Variants in NDOR1 observed in about 807,000 individuals in gnomAD.
NDOR1 encodes NADPH dependent diflavin oxidoreductase 1.
NDOR1 carries 61 observed loss-of-function variants against 67.2 expected under a neutral mutation model. That is an observed-to-expected ratio of 0.91 (90% confidence interval 0.74 to 1.12). The LOEUF (loss-of-function observed/expected upper bound fraction) is 1.12. Ranked by LOEUF, NDOR1 falls within the 50% of genes most tolerant of loss-of-function variation. The probability of loss-of-function intolerance (pLI) is 0.00; values close to 1 mark genes in which losing one functional copy is unlikely to be tolerated. For missense variants in NDOR1, 878 were observed against 802.8 expected (o/e 1.09, Z -1.13); for synonymous variants, 378 against 343.7 (o/e 1.10, Z -1.10).
At chr9:137,214,486 C>T (rs1835431429) in intron 6 of NDOR1, 73 bp downstream of exon 6, 11 of 1,609,846 alleles carry the variant, frequency 6.8e-6, no homozygotes, top group South Asian at 4.4e-5. Context: ...GAGGCTGGGC[C>T]GGGCTGCAGG....
At chr9:137,206,043 G>T in intron 1 of NDOR1, 131 bp downstream of exon 1, 1 of 1,480,940 alleles carries the variant, frequency 6.8e-7, no homozygotes. Context: ...ATTTAGGGAA[G>T]GAGGTTTGGG....
intron 2 of NDOR1, among the ~76,000 whole-genome samples, chr9:137,208,669 T>C (rs1287183008): frequency 6.6e-6 from 1 of 151,518 alleles, no homozygotes; most frequent in Non-Finnish European, 1.5e-5. Flanking sequence ...AGACAGAAAA[T>C]TCAAAGTGAA....
chr9:137,218,097 A>G lies in NDOR1; in HGVS notation c.*1681A>G, dbSNP rs1486628698. On this transcript the variant is annotated 3_prime_UTR_variant, in exon 14 of 14. Transcript: ENST00000684003. ...GAGTGCCCGATCTGCACAGAGCCCT[A>G]CGGGCCCAGAGAGCGCCGCCTGGCC... is the stretch of plus-strand genomic sequence containing the variant. 3.5e-5 allele frequency: 14 copies of G among 398,734 alleles called. No homozygotes were observed. The highest frequency in any genetic ancestry group is 1.3e-4 in the South Asian group (1 of 7,874). 24.7% of individuals were successfully genotyped at this position (398,734 alleles called of 1,614,324 possible).
rs745671772 is a variant in NDOR1, at chr9:137,215,222, G to A, written c.1173+20G>A. The A allele has an allele frequency of 6.2e-7, 1 of 1,604,872 alleles. No homozygotes were observed. The highest frequency in any genetic ancestry group is 1.3e-5 in the African/African-American group (1 of 74,766). On this transcript the variant is annotated intron_variant, in intron 9 of 13. Transcript: ENST00000684003. ...CTGCTGGTGAGGGGCCTGGTGGTTG[G>A]AGCCCAGGACCGGCCCTGGGAAAGC...
At position 137,214,612 on chromosome 9, in the gene NDOR1, G is replaced by A. The variant is rs777125123; in HGVS notation, c.765G>A (p.Ser255=). Residue 255 remains serine, a synonymous_variant, in exon 7 of 14, where the codon TCG becomes TCA. Coordinates refer to ENST00000684003, the MANE Select transcript of NDOR1 (RefSeq NM_014434.4). ...TGGTGCTGATTCAGCCCTCCAACTC[G>A]GCTGCCCATGTCCAGCGGTTCTGCC... is the stretch of plus-strand genomic sequence containing the variant. The part of the protein sequence containing the change: ...GDVVLIQPSN[S]AAHVQRFCQV... 9.3e-6 allele frequency: 15 copies of A among 1,610,544 alleles called. No individual in the cohort carries two copies. The Admixed American group carries it at 1.7e-4, about 18-fold the overall frequency.
At position 137,212,579 on chromosome 9, in the gene NDOR1, C is replaced by G. The variant is rs750433403; in HGVS notation, c.291C>G (p.Leu97=). Residue 97 remains leucine (L), a synonymous_variant, in exon 3 of 14, where the codon CTC becomes CTG. Coordinates refer to ENST00000684003, the MANE Select transcript of NDOR1 (RefSeq NM_014434.4). The surrounding 1 kb of genome is among the most constrained non-coding windows in gnomAD (Gnocchi z 4.3). ...AGATGGACTTTGCCGTCCTGGGCCT[C>G]GGGGACTCCTCATACGCCAAGTGAG... ...LCQMDFAVLG[L]GDSSYAKFNF... 1 of 1,613,860 alleles carries G rather than the reference C, an allele frequency of 6.2e-7. No individual in the cohort carries two copies. The highest frequency in any genetic ancestry group is 8.5e-7 in the Non-Finnish European group (1 of 1,179,912).
rs777489459 is a variant in NDOR1 at position 137,215,741 on chromosome 9, G to A, written c.1371G>A (p.Gly457=). The part of the protein sequence containing the change: ...ETPDTPVIMV[G]PGTGVAPFRA... The stretch of plus-strand genomic sequence containing the variant: ...CAGACACACCTGTGATCATGGTGGG[G>A]CCTGGCACTGGGGTAGCCCCCTTCC... Residue 457 remains glycine, a synonymous_variant, in exon 11 of 14, where the codon GGG becomes GGA. Coordinates refer to ENST00000684003, the MANE Select transcript of NDOR1 (RefSeq NM_014434.4). 1 of 1,603,330 alleles carries A rather than the reference G, an allele frequency of 6.2e-7. No individual in the cohort carries two copies. Among genetic ancestry groups the A allele is most frequent in the Non-Finnish European group, 8.5e-7 (1 of 1,174,030 alleles).
Position 137,216,677 on chromosome 9 carries a change from C to T in NDOR1, c.*261C>T, listed in dbSNP as rs1367287692. 1.9e-6 allele frequency: 1 copy of T among 536,826 alleles called. No individual in the cohort carries two copies. The highest frequency in any genetic ancestry group is 3.3e-6 in the Non-Finnish European group (1 of 298,840). 33.3% of individuals were successfully genotyped at this position (536,826 alleles called of 1,614,324 possible). On this transcript the variant is annotated 3_prime_UTR_variant, in exon 14 of 14. Coordinates refer to ENST00000684003, the MANE Select transcript of NDOR1 (RefSeq NM_014434.4). Reference sequence around the variant, plus strand: ...GAGCTGTGTCCTCGTCCCCCCACCCCCTTCCCAGTCAAGGTGGTGGCCTGG... The same window carrying T: ...GAGCTGTGTCCTCGTCCCCCCACCCTCTTCCCAGTCAAGGTGGTGGCCTGG...
intron 2 of NDOR1, 41 bp downstream of exon 2, chr9:137,206,350 G>C (rs1297628505): frequency 6.3e-7 from 1 of 1,599,270 alleles, no homozygotes; most frequent in Non-Finnish European, 8.6e-7. Context: ...CCCTGCCCTC[G>C]ACCCTCACCC....
Position 137,216,479 on chromosome 9 carries a change from C to G in NDOR1, c.*63C>G, listed in dbSNP as rs1169635106. On this transcript the variant is annotated 3_prime_UTR_variant, in exon 14 of 14. Transcript: ENST00000684003. ...TCCTGGGAGCCCAGGAAGGCATCCA[C>G]GAGGGAGCTCCTGGCCAGCAGCCGT... 6.5e-7 allele frequency: 1 copy of G among 1,546,440 alleles called. No homozygotes were observed. Among genetic ancestry groups the G allele is most frequent in the Non-Finnish European group, 8.7e-7 (1 of 1,151,046 alleles).
chr9:137,214,106 A>T (rs1247946585), intron 5 of NDOR1, 38 bp downstream of exon 5: 2 of 1,530,456 alleles, frequency 1.3e-6, no homozygotes, highest in Non-Finnish European at 1.8e-6. Context: ...GGCGCAGCAG[A>T]CCCAACCTGG....
At chr9:137,213,676 AGGCTCCACTCTTCGCCCG>A (rs1484268381) in intron 3 of NDOR1, 86 bp from the exon 4 acceptor site, 2 of 1,169,274 alleles carry the variant, frequency 1.7e-6, no homozygotes, top group African/African-American at 1.6e-5. Context: ...GGCCCTCCCC[AGGCTCCACTCTTCGCCCG>A]GGCTCCACTC....
chr9:137,214,621 T>C lies in NDOR1; in HGVS notation c.774T>C (p.His258=). The C allele has an allele frequency of 1.2e-6, 2 of 1,610,296 alleles. No individual in the cohort carries two copies. Among genetic ancestry groups the C allele is most frequent in the South Asian group, 1.1e-5 (1 of 91,082 alleles). Residue 258 remains histidine, a synonymous_variant, in exon 7 of 14, where the codon CAT becomes CAC. Coordinates refer to ENST00000684003, the MANE Select transcript of NDOR1 (RefSeq NM_014434.4). ...VLIQPSNSAA[H]VQRFCQVLGL... ...TTCAGCCCTCCAACTCGGCTGCCCA[T>C]GTCCAGCGGTTCTGCCAGGTGCTGG... is the stretch of plus-strand genomic sequence containing the variant.
In NDOR1 at chr9:137,212,398, C is replaced by G; in HGVS notation, c.214-104C>G. 2.0e-6 allele frequency: 2 copies of G among 975,770 alleles called. No homozygotes were observed. The highest frequency in any genetic ancestry group is 3.2e-6 in the Non-Finnish European group (2 of 616,436). The allele number at this position is 975,770 out of a possible 1,614,324, so 60.4% of individuals were successfully genotyped here. A position where few individuals can be genotyped will look rare whatever the true frequency, so the allele number is the denominator to read the frequency against. The stretch of plus-strand genomic sequence containing the variant: ...GATAGGTCCAGTTGTATTCTGCCCC[C>G]ATCCTACCCACCTGCCTGTTCCCCT... On this transcript the variant is annotated intron_variant, in intron 2 of 13. Transcript: ENST00000684003. This position sits in a 1 kb window ranked among gnomAD's most constrained non-coding sequence, Gnocchi z 4.3.
In NDOR1 at chr9:137,215,163, T is replaced by C. The variant is rs199636923; in HGVS notation, c.1134T>C (p.Val378=). ...PPDYLLDLIP[V]IRPRAFSIAS... Reference sequence around the variant, plus strand: ...ACTACCTGTTGGACCTCATCCCCGTTATCCGGCCGAGGGCCTTCTCCATCG... The same window carrying C: ...ACTACCTGTTGGACCTCATCCCCGTCATCCGGCCGAGGGCCTTCTCCATCG... Residue 378 remains valine, a synonymous_variant, in exon 9 of 14, where the codon GTT becomes GTC. Coordinates refer to ENST00000684003, the MANE Select transcript of NDOR1 (RefSeq NM_014434.4). 8 of 1,613,370 alleles carry C rather than the reference T, an allele frequency of 5.0e-6. No homozygotes were observed. The East Asian group carries it at 1.6e-4, about 31-fold the overall frequency.
Position 137,205,766 on chromosome 9 carries a change from G to A in NDOR1, c.-12G>A. The A allele has an allele frequency of 1.2e-6, 2 of 1,602,706 alleles. No homozygotes were observed. Among genetic ancestry groups the A allele is most frequent in the South Asian group, 1.1e-5 (1 of 91,084 alleles). The stretch of plus-strand genomic sequence containing the variant: ...GTTTTTAGTCTCAGACCAGACCACC[G>A]GGCGCACCCCGATGCCGAGCCCGCA... On this transcript the variant is annotated 5_prime_UTR_variant, in exon 1 of 14. Transcript: ENST00000684003.
chr9:137,212,640 G>C lies in NDOR1; in HGVS notation c.311+41G>C. 2 of 1,566,186 alleles carry C rather than the reference G, an allele frequency of 1.3e-6. No homozygotes were observed. Among genetic ancestry groups the C allele is most frequent in the Non-Finnish European group, 1.8e-6 (2 of 1,136,900 alleles). Reference sequence around the variant, plus strand: ...GACAGTGGGCGGACGGAACAGTTCTGGGGGTCGAGCAACAGGTGTGCTGGC... The same window carrying C: ...GACAGTGGGCGGACGGAACAGTTCTCGGGGTCGAGCAACAGGTGTGCTGGC... On this transcript the variant is annotated intron_variant, in intron 3 of 13. Coordinates refer to ENST00000684003, the MANE Select transcript of NDOR1 (RefSeq NM_014434.4). This position sits in a 1 kb window ranked among gnomAD's most constrained non-coding sequence, Gnocchi z 4.3.
In NDOR1 at chr9:137,212,333, A is replaced by G. The variant is rs1364543478; in HGVS notation, c.214-169A>G. 3.9e-5 allele frequency among the ~76,000 whole-genome samples: 6 copies of G among 152,156 alleles called. No homozygotes were observed. Among genetic ancestry groups the G allele is most frequent in the African/African-American group, 9.6e-5 (4 of 41,514 alleles). ...CCAGCCCTGCCTCCTCCCGGTGCCC[A>G]TCATCCTGCAGGCTGGACCTGGGCC... is the stretch of plus-strand genomic sequence containing the variant. On this transcript the variant is annotated intron_variant, in intron 2 of 13. Coordinates refer to ENST00000684003, the MANE Select transcript of NDOR1 (RefSeq NM_014434.4). This position sits in a 1 kb window ranked among gnomAD's most constrained non-coding sequence, Gnocchi z 4.3.
In NDOR1 at chr9:137,215,979, G is replaced by T. The variant is rs775472906; in HGVS notation, c.1516G>T (p.Asp506Tyr). The T allele has an allele frequency of 6.8e-6, 11 of 1,613,242 alleles. No homozygotes were observed. In the Admixed American group the frequency reaches 1.0e-4, roughly 15 times the overall value. The stretch of plus-strand genomic sequence containing the variant: ...TGAGTGGCAGGAGCTGGAGAAGCGG[G>T]ACTGTCTGACCCTCATCCCTGCCTT... ...EAEWQELEKR[D>Y]CLTLIPAFSR... Residue 506 changes from aspartate (D) to tyrosine (Y), a missense_variant, in exon 12 of 14, where the codon GAC becomes TAC. Transcript: ENST00000684003.
Sources: allele counts gnomAD v4.1 joint callset (sites outside exome capture counted in the v4.1 genomes callset), GRCh38; gene constraint gnomAD v4.1.1; non-coding constraint Gnocchi (gnomAD v3.1); transcripts MANE v1.5; gene names NCBI Gene and HGNC (gene_info 2026-07-23, HGNC 2026-07-21).